STPG2: variants seen among roughly 807,000 people sequenced by gnomAD.
STPG2 encodes the protein sperm tail PG-rich repeat containing 2, also known as sperm-tail PG-rich repeat-containing protein 2.
Under a neutral mutation model 54.2 loss-of-function variants are expected in STPG2, and 56 were observed. That is an observed-to-expected ratio of 1.03 (90% CI 0.83 to 1.29). The LOEUF is 1.29. Among genes scored for constraint, STPG2 ranks in the 50% most tolerant of loss-of-function variants. STPG2 has a pLI of 0.00. For missense variants in STPG2, 596 were observed against 544.9 expected (o/e 1.09, Z -0.93); for synonymous variants, 200 against 181.8 (o/e 1.10, Z -0.81).
intron 8 of STPG2, among the ~76,000 whole-genome samples, chr4:97,870,762 G>T (rs1729953969): frequency 6.6e-6 from 1 of 151,110 alleles, no homozygotes; most frequent in Non-Finnish European, 1.5e-5. Flanking sequence ...CAGTTCCAAT[G>T]GTCCCAAAAT....
intron 5 of STPG2, among the ~76,000 whole-genome samples, chr4:98,004,695 A>C (rs62318470): frequency 0.39 from 59,620 of 151,624 alleles, 11,895 homozygotes; most frequent in Middle Eastern, 0.46. Context: ...GAGGTGGGAG[A>C]TGATATCTCA....
intron 5 of STPG2, chr4:98,026,035 C>T: frequency 9.4e-7 from 1 of 1,059,738 alleles, no homozygotes; most frequent in South Asian, 1.4e-5. Context: ...AAGATAATTA[C>T]AAGAAACAGT....
At chr4:98,067,364 A>G (rs1737867120) in intron 5 of STPG2, among the ~76,000 whole-genome samples, 1 of 152,206 alleles carries the variant, frequency 6.6e-6, no homozygotes, top group Non-Finnish European at 1.5e-5. Flanking sequence ...TATAGTTCCT[A>G]TATATTCAAT....
intron 10 of STPG2, among the ~76,000 whole-genome samples, chr4:97,602,585 AC>A (rs951792040): frequency 1.3e-5 from 2 of 151,840 alleles, no homozygotes; most frequent in Non-Finnish European, 3.0e-5. Context: ...AATTACATTA[AC>A]AAAAATTCCT....
intron 9 of STPG2, among the ~76,000 whole-genome samples, chr4:97,817,997 A>C (rs1324025545): frequency 6.6e-6 from 1 of 151,844 alleles, no homozygotes; most frequent in Non-Finnish European, 1.5e-5. Flanking sequence ...TTTACAGCTA[A>C]AGAGTTTTTT....
At chr4:97,919,178 G>A (rs1261721251) in intron 8 of STPG2, among the ~76,000 whole-genome samples, 1 of 151,896 alleles carries the variant, frequency 6.6e-6, no homozygotes. Flanking sequence ...AACAGAATTT[G>A]TAGAATTCAG....
chr4:97,756,722 A>G (rs1432078618), intron 9 of STPG2, among the ~76,000 whole-genome samples: 1 of 150,950 alleles, frequency 6.6e-6, no homozygotes, highest in African/African-American at 2.4e-5. Context: ...CCCTCCTATC[A>G]CTCCAAGAAG....
intron 5 of STPG2, among the ~76,000 whole-genome samples, chr4:98,049,385 C>T (rs1038443589): frequency 2.6e-5 from 4 of 152,134 alleles, no homozygotes; most frequent in African/African-American, 9.7e-5. Flanking sequence ...TAACACTAAA[C>T]ATTTTATTAT....
chr4:98,051,193 C>A (rs1737310234), intron 5 of STPG2, among the ~76,000 whole-genome samples: 3 of 152,120 alleles, frequency 2.0e-5, no homozygotes, highest in Non-Finnish European at 4.4e-5. Context: ...GTTCCCTAAT[C>A]TGCCAAAGTT....
At chr4:97,921,414 T>C (rs1022465406) in intron 8 of STPG2, among the ~76,000 whole-genome samples, 3 of 151,702 alleles carry the variant, frequency 2.0e-5, no homozygotes, top group Non-Finnish European at 2.9e-5. Flanking sequence ...CAAATATCAG[T>C]AAAACAATAT....
chr4:97,575,881 A>T (rs900667978), intron 10 of STPG2, among the ~76,000 whole-genome samples: 2 of 152,158 alleles, frequency 1.3e-5, no homozygotes, highest in Non-Finnish European at 2.9e-5. Context: ...GGCTCTGCCA[A>T]AGAGCCCCTA....
chr4:97,800,689 A>T (rs1727364722), intron 9 of STPG2, among the ~76,000 whole-genome samples: 2 of 152,148 alleles, frequency 1.3e-5, no homozygotes, highest in African/African-American at 4.8e-5. Context: ...TGCTGGGAGA[A>T]CCACTACTCT....
chr4:97,916,234 C>A (rs1380056285), intron 8 of STPG2: 1 of 152,522 alleles, frequency 6.6e-6, no homozygotes, highest in Non-Finnish European at 1.5e-5. Context: ...AGACTTTAAA[C>A]CTGGATTAGT....
chr4:98,029,765 A>G (rs1029344042), intron 5 of STPG2, among the ~76,000 whole-genome samples: 2 of 152,146 alleles, frequency 1.3e-5, no homozygotes, highest in East Asian at 1.9e-4. Context: ...GATCTGCTGA[A>G]TCATAAGGCC....
chr4:98,102,618 A>C (rs34890015), intron 5 of STPG2, among the ~76,000 whole-genome samples: 1 of 151,530 alleles, frequency 6.6e-6, no homozygotes, highest in African/African-American at 2.4e-5. Context: ...TTATCAGTTC[A>C]ATGCATTTCT....
intron 4 of STPG2, among the ~76,000 whole-genome samples, chr4:97,474,817 G>T (rs1330508162): frequency 6.6e-6 from 1 of 151,966 alleles, no homozygotes; most frequent in Non-Finnish European, 1.5e-5. Flanking sequence ...TACCTAGCAG[G>T]TAGCAAATAA....
intron 4 of STPG2, among the ~76,000 whole-genome samples, chr4:97,546,051 T>C (rs1163525072): frequency 6.6e-6 from 1 of 151,976 alleles, no homozygotes; most frequent in Admixed American, 6.6e-5. Flanking sequence ...TTAAATATAA[T>C]ACTAAGGTGG....
chr4:97,850,169 G>A (rs1729105331), intron 8 of STPG2, among the ~76,000 whole-genome samples: 2 of 143,644 alleles, frequency 1.4e-5, no homozygotes, highest in African/African-American at 5.2e-5. Context: ...ACTATCGCAA[G>A]AACAAAAAAT....
intron 8 of STPG2, among the ~76,000 whole-genome samples, chr4:97,913,368 C>A (rs1010781750): frequency 2.0e-5 from 3 of 152,058 alleles, no homozygotes; most frequent in Non-Finnish European, 2.9e-5. Context: ...AAAGAAGTTA[C>A]AAAAACTGAT....
Sources: allele counts gnomAD v4.1 joint callset (sites outside exome capture counted in the v4.1 genomes callset), GRCh38; gene constraint gnomAD v4.1.1; transcripts MANE v1.5; gene names NCBI Gene and HGNC (gene_info 2026-07-23, HGNC 2026-07-21).